The following CDC25A variants were observed in gnomAD, a reference collection of about 807,000 sequenced individuals.
The protein encoded by CDC25A is M-phase inducer phosphatase 1.
Under a neutral mutation model 64.6 loss-of-function variants are expected in CDC25A, and 17 were observed. The observed-to-expected ratio is 0.26, with a 90% CI of 0.18 to 0.39. The LOEUF is 0.39. Ranked by LOEUF, CDC25A falls within the 10% of genes least tolerant of loss-of-function variation. The pLI is 1.00. For missense variants in CDC25A, 473 were observed against 654.8 expected (o/e 0.72, Z 3.03); for synonymous variants, 229 against 238.6 (o/e 0.96, Z 0.37).
At chr3:48,182,853 C>A (rs1306807724) in intron 5 of CDC25A, 76 bp downstream of exon 5, 12 of 949,434 alleles carry the variant, frequency 1.3e-5, no homozygotes, top group Non-Finnish European at 1.7e-5. Context: ...CAGAAAGCAG[C>A]CCAGCCACTT....
rs11370901 is a variant in CDC25A, at chr3:48,165,107, CAAAAAAA to C, written c.1191+522_1191+528del. ...CCTGGCGACAGAGCGGACTCTGTCT[CAAAAAAA>C]AAAAAAAAAAAAGATTAAAATGGCA... is the stretch of plus-strand genomic sequence containing the variant. On this transcript the variant is annotated intron_variant, in intron 12 of 14. Transcript: ENST00000302506. Among the ~76,000 whole-genome samples, 4 of 84,972 alleles carry C rather than the reference CAAAAAAA, an allele frequency of 4.7e-5. No individual in the cohort carries two copies. In the East Asian group the frequency reaches 1.3e-3, roughly 27 times the overall value. The allele number at this position is 84,972 out of a possible 152,430, so 55.7% of individuals were successfully genotyped here.
At chr3:48,166,953 C>T (rs2032050555) in intron 10 of CDC25A, among the ~76,000 whole-genome samples, 3 of 152,224 alleles carry the variant, frequency 2.0e-5, no homozygotes, top group African/African-American at 7.2e-5. Context: ...ACTGAGGATA[C>T]AGCTGGATCT....
In CDC25A at chr3:48,159,001, T is replaced by A; in HGVS notation, c.1519A>T (p.Thr507Ser). 1 of 1,614,142 alleles carries A rather than the reference T, an allele frequency of 6.2e-7. No individual in the cohort carries two copies. Among genetic ancestry groups the A allele is most frequent in the Non-Finnish European group, 8.5e-7 (1 of 1,180,012 alleles). Residue 507 changes from threonine to serine, a missense_variant, in exon 15 of 15, where the codon ACC becomes TCC. By Grantham distance (58) the Thr-to-Ser change is moderately conservative. Transcript: ENST00000302506. Reference protein sequence around the residue: ...DLKKFRTKSRTWAGEKSKREM... With the variant: ...DLKKFRTKSRSWAGEKSKREM... ...CTCTTGCTCTTCTCCCCTGCCCAGG[T>A]CCGGCTCTTGGTGCGGAACTTCTTC...
rs1414911698 is a variant in CDC25A at position 48,167,934 on chromosome 3, T to C, written c.941A>G (p.Gln314Arg). Residue 314 changes from glutamine (Q) to arginine (R), a missense_variant, in exon 10 of 15, where the codon CAG becomes CGG. This residue lies in a region of CDC25A where 376 missense variants were observed against 431.9 expected (regional missense o/e 0.87). Transcript: ENST00000302506. ...GGGGGAAGATGCCAGGGATAAAGAC[T>C]GATGAAGAGTCTGTAACAAATCAAA... ...NPEKAHETLH[Q>R]SLSLASSPKG... 6.3e-7 allele frequency: 1 copy of C among 1,596,406 alleles called. No individual in the cohort carries two copies. The highest frequency in any genetic ancestry group is 8.6e-7 in the Non-Finnish European group (1 of 1,164,044).
At chr3:48,163,343 G>A (rs2031868483) in intron 13 of CDC25A, among the ~76,000 whole-genome samples, 2 of 151,048 alleles carry the variant, frequency 1.3e-5, no homozygotes, top group South Asian at 2.1e-4. Flanking sequence ...AGTGGCTCAC[G>A]CCTGTAATCC....
chr3:48,163,422 T>A (rs1424564234), intron 13 of CDC25A, among the ~76,000 whole-genome samples: 1 of 150,394 alleles, frequency 6.6e-6, no homozygotes, highest in Non-Finnish European at 1.5e-5. Flanking sequence ...CTGACCAACA[T>A]GTAGAAACCC....
At chr3:48,164,490 T>C (rs1359362797) in intron 12 of CDC25A, 53 bp from the exon 13 acceptor site, 2 of 1,431,900 alleles carry the variant, frequency 1.4e-6, no homozygotes, top group Admixed American at 2.9e-5. Flanking sequence ...CATGAAGTAA[T>C]GATTCAGCAA....
chr3:48,186,181 C>T (rs961829908), intron 2 of CDC25A, among the ~76,000 whole-genome samples: 1 of 152,208 alleles, frequency 6.6e-6, no homozygotes, highest in Non-Finnish European at 1.5e-5. Context: ...TACTACCCAT[C>T]CTTCAAGGGC....
At chr3:48,185,102 CAT>C (rs1329234385) in intron 2 of CDC25A, among the ~76,000 whole-genome samples, 3 of 152,108 alleles carry the variant, frequency 2.0e-5, no homozygotes, top group Non-Finnish European at 4.4e-5. Flanking sequence ...CTTGTCAAAT[CAT>C]ATGAGGCTTG....
rs891880388 is a variant in CDC25A at position 48,165,495 on chromosome 3, T to A, written c.1191+141A>T. ...TTCGTTAAGAGCACCCGGAATCAAA[T>A]GCCTTCCACACTCACTGTATTGTTT... On this transcript the variant is annotated intron_variant, in intron 12 of 14. Transcript: ENST00000302506. 42 of 622,538 alleles carry A rather than the reference T, an allele frequency of 6.7e-5. No homozygotes were observed. In the African/African-American group the frequency reaches 7.2e-4, roughly 11 times the overall value. 38.6% of individuals were successfully genotyped at this position (622,538 alleles called of 1,614,324 possible). A position where few individuals can be genotyped will look rare whatever the true frequency, so the allele number is the denominator to read the frequency against.
chr3:48,172,572 G>A (rs1018534401), intron 9 of CDC25A, among the ~76,000 whole-genome samples: 1 of 152,206 alleles, frequency 6.6e-6, no homozygotes, highest in Non-Finnish European at 1.5e-5. Context: ...CATGACACTA[G>A]CTCACCCATG....
chr3:48,183,814 T>C lies in CDC25A; in HGVS notation c.313A>G (p.Ile105Val). 2 of 1,584,332 alleles carry C rather than the reference T, an allele frequency of 1.3e-6. No homozygotes were observed. Among genetic ancestry groups the C allele is most frequent in the Non-Finnish European group, 8.7e-7 (1 of 1,153,438 alleles). The change falls in exon 4 of 15, where the codon ATA becomes GTA. Residue 105 changes from isoleucine to valine, a missense_variant. Ile to Val is a conservative substitution (Grantham distance 29, BLOSUM62 3). Coordinates refer to ENST00000302506, the MANE Select transcript of CDC25A (RefSeq NM_001789.3). ...AACTAACTTACAGGTAGGGAATGTA[T>C]TCTTCTCATAGGATTTTCAAGGCTG... The part of the protein sequence containing the change: ...KENLENPMRR[I>V]HSLPQKLLGC...
In CDC25A at chr3:48,186,692, G is replaced by C; in HGVS notation, c.247+11C>G. On this transcript the variant is annotated intron_variant, in intron 2 of 14. Coordinates refer to ENST00000302506, the MANE Select transcript of CDC25A (RefSeq NM_001789.3). ...TCAGAGTATTGCTCCCCACACAGCA[G>C]ACTTAAATACCTGAATCTGTTGACT... 2 of 1,556,190 alleles carry C rather than the reference G, an allele frequency of 1.3e-6. No individual in the cohort carries two copies. The highest frequency in any genetic ancestry group is 1.8e-6 in the Non-Finnish European group (2 of 1,132,194).
chr3:48,167,045 C>T (rs1220533585), intron 10 of CDC25A, among the ~76,000 whole-genome samples: 1 of 152,136 alleles, frequency 6.6e-6, no homozygotes, highest in Non-Finnish European at 1.5e-5. Flanking sequence ...CGTTCCCCAA[C>T]CCCCTAGCCA....
intron 2 of CDC25A, 89 bp downstream of exon 2, chr3:48,186,614 T>A: frequency 1.4e-6 from 1 of 723,528 alleles, no homozygotes; most frequent in Non-Finnish European, 2.4e-6. Flanking sequence ...CATGACTTCC[T>A]CAAGTTCTCA....
intron 9 of CDC25A, among the ~76,000 whole-genome samples, chr3:48,168,620 C>CTT (rs35535424): frequency 3.1e-4 from 42 of 135,428 alleles, no homozygotes; most frequent in Middle Eastern, 7.7e-3. Flanking sequence ...TATGTCTTAA[C>CTT]TTTTTTTTTT....
intron 6 of CDC25A, among the ~76,000 whole-genome samples, chr3:48,178,410 T>C (rs2032544226): frequency 6.8e-6 from 1 of 147,242 alleles, no homozygotes; most frequent in South Asian, 2.2e-4. Context: ...TGCACTTATA[T>C]ATAACTCCAG....
In CDC25A at chr3:48,188,201, G is replaced by A; in HGVS notation, c.-254C>T. 3 of 331,578 alleles carry A rather than the reference G, an allele frequency of 9.0e-6. No individual in the cohort carries two copies. The highest frequency in any genetic ancestry group is 1.6e-5 in the Non-Finnish European group (3 of 183,820). 20.5% of individuals were successfully genotyped at this position (331,578 alleles called of 1,614,324 possible). On this transcript the variant is annotated 5_prime_UTR_variant, in exon 1 of 15. Transcript: ENST00000302506. Reference sequence around the variant, plus strand: ...CTCACACCGCGAGGCCAGCGGGCGGGCGGGCGCCGGCAACCTGAAGATTAA... The same window carrying A: ...CTCACACCGCGAGGCCAGCGGGCGGACGGGCGCCGGCAACCTGAAGATTAA...
At chr3:48,186,292 G>A (rs952671998) in intron 2 of CDC25A, among the ~76,000 whole-genome samples, 6 of 152,110 alleles carry the variant, frequency 3.9e-5, no homozygotes, top group South Asian at 4.1e-4. Context: ...GTTTATCACC[G>A]GGCGCGGTGG....
Sources: allele counts gnomAD v4.1 joint callset (sites outside exome capture counted in the v4.1 genomes callset), GRCh38; gene constraint gnomAD v4.1.1; regional missense constraint gnomAD v4.1.1; transcripts MANE v1.5; gene names NCBI Gene and HGNC (gene_info 2026-07-23, HGNC 2026-07-21).